Variants in CLECL1 observed in about 807,000 individuals in gnomAD.
CLECL1 encodes C-type lectin-like domain family 1.
At chr12:9,713,179 A>G (rs1866211720), downstream of CLECL1, among the ~76,000 whole-genome samples, 1 of 152,232 alleles carries the variant, frequency 6.6e-6, no homozygotes, top group South Asian at 2.1e-4. Flanking sequence ...AGAACAGGGC[A>G]GGGAGTTTCA....
downstream of CLECL1, among the ~76,000 whole-genome samples, chr12:9,720,196 C>T (rs1487793104): frequency 6.6e-6 from 1 of 152,112 alleles, no homozygotes; most frequent in Non-Finnish European, 1.5e-5. Context: ...GCACTTTCTC[C>T]CACCTGCAAC....
chr12:9,719,044 G>A (rs1472151925), downstream of CLECL1, among the ~76,000 whole-genome samples: 1 of 152,152 alleles, frequency 6.6e-6, no homozygotes, highest in Non-Finnish European at 1.5e-5. Flanking sequence ...TCTTCATCTT[G>A]TGTAGGACAG....
downstream of CLECL1, among the ~76,000 whole-genome samples, chr12:9,711,753 T>C (rs1278867380): frequency 6.6e-6 from 1 of 152,138 alleles, no homozygotes; most frequent in African/African-American, 2.4e-5. Flanking sequence ...TTATCTGTGC[T>C]TACTTCCTAG....
At chr12:9,716,182 T>C (rs1866237855) in exon 3 of CLECL1, 1 of 152,400 alleles carries the variant, frequency 6.6e-6, no homozygotes, top group South Asian at 2.1e-4. Flanking sequence ...TCCCAGCCCT[T>C]TGCATGACTG....
chr12:9,710,336 C>T, the CLECL1 span, among the ~76,000 whole-genome samples: 547 of 152,226 alleles, frequency 3.6e-3, 3 homozygotes, highest in African/African-American at 0.013. Context: ...CGGAAGCATC[C>T]GACAGCAGTT....
intron 3 of CLECL1, among the ~76,000 whole-genome samples, chr12:9,727,010 A>G (rs914386994): frequency 6.6e-6 from 1 of 151,754 alleles, no homozygotes; most frequent in African/African-American, 2.4e-5. Flanking sequence ...TTCTAATATA[A>G]TTGTTTCTGG....
chr12:9,729,464 A>G (rs1189201602), intron 2 of CLECL1, among the ~76,000 whole-genome samples: 2 of 152,160 alleles, frequency 1.3e-5, no homozygotes, highest in Non-Finnish European at 2.9e-5. Context: ...GTTGTGTATC[A>G]AATTTTACAC....
the CLECL1 span, among the ~76,000 whole-genome samples, chr12:9,709,558 C>T: frequency 0.041 from 6,273 of 152,276 alleles, 451 homozygotes; most frequent in African/African-American, 0.14. Context: ...CTTGAAAAGA[C>T]ATTATGTTAC....
At chr12:9,718,727 C>T (rs1425152623), downstream of CLECL1, 9 of 701,242 alleles carry the variant, frequency 1.3e-5, no homozygotes, top group African/African-American at 8.7e-5. Flanking sequence ...CAGAGATGTA[C>T]ACACATTGAA....
chr12:9,727,567 A>G (rs1866394825), exon 3 of CLECL1, among the ~76,000 whole-genome samples: 1 of 151,832 alleles, frequency 6.6e-6, no homozygotes, highest in South Asian at 2.1e-4. Flanking sequence ...AATATTACCT[A>G]CTGAGGTGAT....
At chr12:9,723,441 GACAC>G (rs61508153) in intron 3 of CLECL1, among the ~76,000 whole-genome samples, 65,479 of 105,190 alleles carry the variant, frequency 0.62, 14,749 homozygotes, top group East Asian at 0.71. Context: ...GAGACAGACA[GACAC>G]ACACACACAC....
At chr12:9,718,492 C>T (rs780829923), downstream of CLECL1, 3 of 270,530 alleles carry the variant, frequency 1.1e-5, no homozygotes, top group African/African-American at 6.6e-5. Context: ...TTATAATTGA[C>T]CCTTGTTATG....
upstream of CLECL1, chr12:9,733,191 A>G (rs1344812791): frequency 1.2e-6 from 2 of 1,613,418 alleles, no homozygotes; most frequent in Admixed American, 1.7e-5. Flanking sequence ...GACAAAACCA[A>G]TGTGTTCAGT....
chr12:9,714,360 C>T (rs1011608986), downstream of CLECL1, among the ~76,000 whole-genome samples: 1 of 152,192 alleles, frequency 6.6e-6, no homozygotes, highest in African/African-American at 2.4e-5. Flanking sequence ...AGAAAGATGG[C>T]TTAATGGTGC....
the CLECL1 span, among the ~76,000 whole-genome samples, chr12:9,703,760 G>T: frequency 6.6e-6 from 1 of 151,878 alleles, no homozygotes; most frequent in East Asian, 1.9e-4. Flanking sequence ...ATACATATTT[G>T]TCATTTCTTT....
the CLECL1 span, among the ~76,000 whole-genome samples, chr12:9,708,353 C>T: frequency 5.3e-5 from 8 of 152,112 alleles, no homozygotes; most frequent in Non-Finnish European, 1.0e-4. Flanking sequence ...GGGAAGTTAA[C>T]GGTGAAACGA....
chr12:9,730,892 T>C (rs1377010554), intron 1 of CLECL1, among the ~76,000 whole-genome samples: 3 of 152,132 alleles, frequency 2.0e-5, no homozygotes, highest in Non-Finnish European at 4.4e-5. Context: ...CTCTGTGTTG[T>C]CCAGGCTGGT....
chr12:9,707,480 G>A, the CLECL1 span, among the ~76,000 whole-genome samples: 8 of 151,970 alleles, frequency 5.3e-5, no homozygotes, highest in African/African-American at 1.9e-4. Flanking sequence ...ATGCAGTGGG[G>A]GAAGGGAAGT....
At chr12:9,709,952 A>G in the CLECL1 span, among the ~76,000 whole-genome samples, 1 of 151,968 alleles carries the variant, frequency 6.6e-6, no homozygotes, top group African/African-American at 2.4e-5. Context: ...GCAAAAGAGC[A>G]AAAGCTTTAA....
Sources: allele counts gnomAD v4.1 joint callset (sites outside exome capture counted in the v4.1 genomes callset), GRCh38; gene constraint gnomAD v4.1.1; transcripts MANE v1.5; gene names NCBI Gene and HGNC (gene_info 2026-07-23, HGNC 2026-07-21).